The following EYA1 variants were observed in gnomAD, a reference collection of about 807,000 sequenced individuals.
EYA1 encodes the protein EYA transcriptional coactivator and phosphatase 1.
A neutral mutation model predicts 82.0 loss-of-function variants in EYA1; 16 were observed. The ratio of observed to expected loss-of-function variants is 0.20; its 90% confidence interval spans 0.13 to 0.30. The LOEUF (loss-of-function observed/expected upper bound fraction) is 0.30. Among genes scored for constraint, EYA1 ranks in the 10% least tolerant of loss-of-function variants. The pLI is 1.00. For synonymous variants in EYA1, 261 were observed against 264.4 expected, an observed-to-expected ratio of 0.99 and a Z score of 0.12; for missense variants, 633 against 730.7, an observed-to-expected ratio of 0.87 and a Z score of 1.54.
intron 2 of EYA1, among the ~76,000 whole-genome samples, chr8:71,396,569 C>G (rs1829630494): frequency 6.6e-6 from 1 of 152,166 alleles, no homozygotes; most frequent in Non-Finnish European, 1.5e-5. Flanking sequence ...CATTCAGGAG[C>G]AGTTGTTCAG....
At chr8:71,286,441 C>G (rs1399366171) in intron 9 of EYA1, among the ~76,000 whole-genome samples, 1 of 152,172 alleles carries the variant, frequency 6.6e-6, no homozygotes, top group Non-Finnish European at 1.5e-5. Context: ...CTGAAAATAT[C>G]TGGAGGCATG....
chr8:71,345,497 C>T (rs1219852530), intron 3 of EYA1, among the ~76,000 whole-genome samples: 1 of 152,182 alleles, frequency 6.6e-6, no homozygotes, highest in Non-Finnish European at 1.5e-5. Context: ...CTTCAGGACT[C>T]TTGGCTCCCT....
intron 3 of EYA1, among the ~76,000 whole-genome samples, chr8:71,344,535 C>T (rs1204159568): frequency 1.3e-5 from 2 of 152,168 alleles, no homozygotes; most frequent in African/African-American, 4.8e-5. Context: ...ACTGCAGCTT[C>T]AAATGCTAAA....
intron 2 of EYA1, among the ~76,000 whole-genome samples, chr8:71,461,314 G>A (rs558116263): frequency 7.9e-5 from 12 of 152,304 alleles, no homozygotes; most frequent in Non-Finnish European, 1.5e-4. Flanking sequence ...GTTAGTGAGC[G>A]TGGCGTCTGA....
chr8:71,369,003 A>T (rs1027925034), intron 2 of EYA1, among the ~76,000 whole-genome samples: 9 of 143,812 alleles, frequency 6.3e-5, no homozygotes, highest in Non-Finnish European at 1.3e-4. Flanking sequence ...CCTGACCAAC[A>T]TTGTGAAACT....
chr8:71,253,203 C>T (rs760422288), intron 11 of EYA1, among the ~76,000 whole-genome samples: 1 of 152,100 alleles, frequency 6.6e-6, no homozygotes, highest in African/African-American at 2.4e-5. Context: ...AAAATATCAG[C>T]TACCATAATA....
chr8:71,432,521 C>T (rs1356508972), intron 2 of EYA1, among the ~76,000 whole-genome samples: 1 of 152,172 alleles, frequency 6.6e-6, no homozygotes. Context: ...TTGGTTTCTT[C>T]TGGAGCCTCT....
At chr8:71,247,610 T>C (rs7814410) in intron 11 of EYA1, among the ~76,000 whole-genome samples, 54,497 of 152,058 alleles carry the variant, frequency 0.36, 10,305 homozygotes, top group African/African-American at 0.45. Flanking sequence ...TCATAGGTTT[T>C]AGGAGAATTA....
intron 2 of EYA1, among the ~76,000 whole-genome samples, chr8:71,494,009 C>T (rs1467796105): frequency 6.1e-5 from 4 of 65,992 alleles, no homozygotes; most frequent in Non-Finnish European, 1.1e-4. Flanking sequence ...GGCGACAGAG[C>T]GAGACTCCGT....
At chr8:71,412,171 T>C (rs1241486445) in intron 2 of EYA1, among the ~76,000 whole-genome samples, 2 of 125,292 alleles carry the variant, frequency 1.6e-5, no homozygotes, top group African/African-American at 3.0e-5. Context: ...TAGGTGGGAA[T>C]TGAACAATGA....
intron 2 of EYA1, among the ~76,000 whole-genome samples, chr8:71,367,551 G>T (rs1224643508): frequency 1.2e-5 from 1 of 85,700 alleles, no homozygotes. Flanking sequence ...CTCCCAAATC[G>T]GAAAAAAAAA....
chr8:71,525,678 T>C (rs535875982), intron 2 of EYA1, among the ~76,000 whole-genome samples: 1 of 152,220 alleles, frequency 6.6e-6, no homozygotes, highest in Non-Finnish European at 1.5e-5. Context: ...CAGTTAATGA[T>C]GTTTAATAGC....
chr8:71,227,678 T>A (rs1300724455), intron 12 of EYA1, among the ~76,000 whole-genome samples: 1 of 152,204 alleles, frequency 6.6e-6, no homozygotes, highest in Non-Finnish European at 1.5e-5. Flanking sequence ...ACATTATTTT[T>A]TTTTCTGGAG....
At chr8:71,431,475 C>T (rs907651586) in intron 2 of EYA1, among the ~76,000 whole-genome samples, 3 of 152,176 alleles carry the variant, frequency 2.0e-5, no homozygotes, top group Admixed American at 2.0e-4. Context: ...AGGCATTACT[C>T]TGCCTAGTCC....
At chr8:71,217,852 A>G (rs1008950097) in intron 12 of EYA1, among the ~76,000 whole-genome samples, 1 of 152,162 alleles carries the variant, frequency 6.6e-6, no homozygotes, top group African/African-American at 2.4e-5. Flanking sequence ...CTAAAGCTCT[A>G]TTGGGCCCAG....
At chr8:71,398,059 CCT>C (rs1284543658) in intron 2 of EYA1, among the ~76,000 whole-genome samples, 1 of 152,078 alleles carries the variant, frequency 6.6e-6, no homozygotes, top group East Asian at 1.9e-4. Context: ...TCACTGACAC[CCT>C]GTCTTCCACT....
intron 2 of EYA1, among the ~76,000 whole-genome samples, chr8:71,443,412 C>T (rs560715368): frequency 6.6e-6 from 1 of 152,258 alleles, no homozygotes; most frequent in African/African-American, 2.4e-5. Flanking sequence ...GTGCCTTAGC[C>T]ACTTGGGTAA....
chr8:71,361,532 T>C, intron 1 of EYA1, 115 bp downstream of exon 1: 3 of 434,558 alleles, frequency 6.9e-6, no homozygotes, highest in Non-Finnish European at 9.2e-6. Context: ...CCATAATGTT[T>C]TTCTTTGAAA....
chr8:71,214,784 A>G (rs1808969994), intron 16 of EYA1, among the ~76,000 whole-genome samples: 1 of 152,160 alleles, frequency 6.6e-6, no homozygotes. Flanking sequence ...ATCATATTGG[A>G]TTGTCATGTA....
Sources: gnomAD v4.1 joint callset for allele counts (sites outside exome capture counted in the v4.1 genomes callset) on GRCh38, gnomAD v4.1.1 for gene constraint, MANE v1.5 for transcripts, NCBI Gene and HGNC (gene_info 2026-07-23, HGNC 2026-07-21) for gene names.